ZNF558: variants seen among roughly 807,000 people sequenced by gnomAD.
ZNF558 encodes the protein zinc finger protein 558.
Under a neutral mutation model 37.6 loss-of-function variants are expected in ZNF558, and 23 were observed. The observed-to-expected ratio is 0.61, with a 90% CI of 0.44 to 0.87. The LOEUF (loss-of-function observed/expected upper bound fraction) is 0.87. ZNF558 is among the 40% of genes least tolerant of loss of function. ZNF558 has a pLI of 0.00. For missense variants in ZNF558, 429 were observed against 483.7 expected (o/e 0.89, Z 1.06); for synonymous variants, 189 against 174.4 (o/e 1.08, Z -0.66).
chr19:8,825,437 A>C (rs1856945358), intron 2 of ZNF558, among the ~76,000 whole-genome samples: 1 of 152,128 alleles, frequency 6.6e-6, no homozygotes, highest in South Asian at 2.1e-4. Flanking sequence ...GGAAAAAAAA[A>C]CCCCAAACCA....
chr19:8,827,090 A>G (rs1020499571), intron 2 of ZNF558, among the ~76,000 whole-genome samples: 1 of 151,064 alleles, frequency 6.6e-6, no homozygotes, highest in Non-Finnish European at 1.5e-5. Flanking sequence ...CCAAGTCCCT[A>G]TTCAAGGCTG....
intron 2 of ZNF558, among the ~76,000 whole-genome samples, chr19:8,826,708 C>G (rs1038067689): frequency 2.0e-5 from 3 of 152,168 alleles, no homozygotes; most frequent in African/African-American, 7.2e-5. Flanking sequence ...GACTCCTGCT[C>G]TAGAGGGAAT....
At chr19:8,834,021 A>G (rs2044423752), upstream of ZNF558, among the ~76,000 whole-genome samples, 2 of 152,070 alleles carry the variant, frequency 1.3e-5, no homozygotes, top group African/African-American at 4.8e-5. Context: ...CAAAAACCAT[A>G]AACAAAAAAA....
At chr19:8,812,998 T>C (rs1223799583) in intron 8 of ZNF558, 129 bp downstream of exon 8, 3 of 700,698 alleles carry the variant, frequency 4.3e-6, no homozygotes, top group Non-Finnish European at 7.5e-6. Context: ...AATGTTCTCG[T>C]GCATGTTTGT....
At chr19:8,813,040 T>C in intron 8 of ZNF558, 87 bp downstream of exon 8, 1 of 1,031,516 alleles carries the variant, frequency 9.7e-7, no homozygotes, top group African/African-American at 1.6e-5. Context: ...AGTTCCCTGA[T>C]TGACATGAAC....
Position 8,809,996 on chromosome 19 carries a change from T to C in ZNF558, c.*1285A>G, listed in dbSNP as rs1555767160. 6.6e-6 allele frequency: 1 copy of C among 152,042 alleles called. No homozygotes were observed. Among genetic ancestry groups the C allele is most frequent in the Non-Finnish European group, 1.5e-5 (1 of 68,018 alleles). The allele number at this position is 152,042 out of a possible 1,614,324, so 9.4% of individuals were successfully genotyped here. A position where few individuals can be genotyped will look rare whatever the true frequency, so the allele number is the denominator to read the frequency against. On this transcript the variant is annotated 3_prime_UTR_variant, in exon 10 of 10. Coordinates refer to ENST00000601372, the MANE Select transcript of ZNF558 (RefSeq NM_144693.3). ...AAGAAAGAGAAGAATCACTGAAAAA[T>C]TTTCCAATATTAATATACTCATAGG...
rs564086345 is a variant in ZNF558, at chr19:8,830,555, C to T, written c.-509+763G>A. 2.6e-4 allele frequency among the ~76,000 whole-genome samples: 39 copies of T among 152,136 alleles called. 2 individuals carry two copies. The South Asian group carries it at 7.5e-3, about 29-fold the overall frequency. On this transcript the variant is annotated intron_variant, in intron 2 of 9. Transcript: ENST00000601372. The stretch of plus-strand genomic sequence containing the variant: ...AATAAATCATCCTTTTTACAAATGC[C>T]CTTATATTTTGAAGTTTGGTGGAGG...
intron 2 of ZNF558, among the ~76,000 whole-genome samples, chr19:8,829,138 T>C (rs2145306199): frequency 6.6e-6 from 1 of 151,934 alleles, no homozygotes; most frequent in African/African-American, 2.4e-5. Context: ...GGTAGGCGCC[T>C]GTAATCCCAG....
upstream of ZNF558, among the ~76,000 whole-genome samples, chr19:8,835,670 C>T (rs2044447731): frequency 7.2e-6 from 1 of 138,644 alleles, no homozygotes; most frequent in African/African-American, 2.6e-5. Context: ...AATTTTATTT[C>T]CAGTATATGC....
chr19:8,820,530 T>A (rs1047112229), intron 7 of ZNF558, among the ~76,000 whole-genome samples: 1 of 152,218 alleles, frequency 6.6e-6, no homozygotes, highest in Non-Finnish European at 1.5e-5. Context: ...TTGCCCAGGC[T>A]GCAGTGCAAT....
At chr19:8,813,984 T>A (rs2043864608) in intron 7 of ZNF558, among the ~76,000 whole-genome samples, 1 of 152,158 alleles carries the variant, frequency 6.6e-6, no homozygotes, top group Admixed American at 6.5e-5. Context: ...TTGAAAGAAG[T>A]GATGACAGTG....
At chr19:8,819,903 G>A (rs1257427546) in intron 7 of ZNF558, among the ~76,000 whole-genome samples, 11 of 152,228 alleles carry the variant, frequency 7.2e-5, no homozygotes, top group South Asian at 2.1e-4. Context: ...ATCGTGCTGC[G>A]CCACTGCACT....
intron 2 of ZNF558, among the ~76,000 whole-genome samples, chr19:8,829,639 C>T (rs1042482248): frequency 4.6e-5 from 7 of 152,186 alleles, no homozygotes; most frequent in Non-Finnish European, 8.8e-5. Context: ...GACCTAGGAC[C>T]TGACTCATGG....
chr19:8,836,383 T>G (rs2044455485), upstream of ZNF558, among the ~76,000 whole-genome samples: 1 of 151,682 alleles, frequency 6.6e-6, no homozygotes, highest in South Asian at 2.1e-4. Context: ...TCCTTACTCC[T>G]CCCCTTCCTC....
chr19:8,816,411 A>G (rs988873371), intron 7 of ZNF558, among the ~76,000 whole-genome samples: 8 of 152,286 alleles, frequency 5.3e-5, no homozygotes, highest in South Asian at 2.1e-4. Context: ...AGCATCCTAA[A>G]AACAGCAAGA....
At chr19:8,830,065 A>T (rs2044314854) in intron 2 of ZNF558, among the ~76,000 whole-genome samples, 1 of 152,170 alleles carries the variant, frequency 6.6e-6, no homozygotes, top group African/African-American at 2.4e-5. Context: ...TGACTGAATC[A>T]TGGGGGCGGA....
Position 8,822,154 on chromosome 19 carries a change from G to A in ZNF558, c.32-63C>T. ...GTCTGACACCCACAGATCTGCCCCT[G>A]ATTGACCACACCCACCTCCCACACC... On this transcript the variant is annotated intron_variant, in intron 5 of 9. Transcript: ENST00000601372. This position sits in a 1 kb window ranked among gnomAD's most constrained non-coding sequence, Gnocchi z 4.4. The A allele has an allele frequency of 3.1e-6, 5 of 1,598,278 alleles. No individual in the cohort carries two copies. The highest frequency in any genetic ancestry group is 4.3e-6 in the Non-Finnish European group (5 of 1,170,344).
In ZNF558 at chr19:8,811,714, G is replaced by T. The variant is rs1235160974; in HGVS notation, c.776C>A (p.Thr259Lys). 1.2e-6 allele frequency: 2 copies of T among 1,613,954 alleles called. No homozygotes were observed. The highest frequency in any genetic ancestry group is 1.7e-6 in the Non-Finnish European group (2 of 1,179,992). Residue 259 changes from threonine (T) to lysine (K), a missense_variant, in exon 10 of 10, where the codon ACG (threonine) becomes AAG (lysine). Coordinates refer to ENST00000601372, the MANE Select transcript of ZNF558 (RefSeq NM_144693.3). Reference sequence around the variant, plus strand: ...ATTACATTCATGGTGATTCTCCCCCGTGTGAATCCTCTTGTGGCTTTTGAG... The same window carrying T: ...ATTACATTCATGGTGATTCTCCCCCTTGTGAATCCTCTTGTGGCTTTTGAG... ...CNLKSHKRIH[T>K]GENHHECNQC...
chr19:8,819,759 G>A lies in ZNF558; in HGVS notation c.247+1421C>T, dbSNP rs534606618. On this transcript the variant is annotated intron_variant, in intron 7 of 9. Transcript: ENST00000601372. ...TTGAGACCAGCCTGGCCAACACAGC[G>A]AAACCCTGTCTCTATAAAAAATACA... Among the ~76,000 whole-genome samples, 55 of 152,174 alleles carry A rather than the reference G, an allele frequency of 3.6e-4. No individual in the cohort carries two copies. In the South Asian group the frequency reaches 1.0e-2, roughly 28 times the overall value.
Sources: allele counts gnomAD v4.1 joint callset (sites outside exome capture counted in the v4.1 genomes callset), GRCh38; gene constraint gnomAD v4.1.1; non-coding constraint Gnocchi (gnomAD v3.1); transcripts MANE v1.5; gene names NCBI Gene and HGNC (gene_info 2026-07-23, HGNC 2026-07-21).